LGR4: variants seen among roughly 807,000 people sequenced by gnomAD.
LGR4 encodes the protein leucine rich repeat containing G protein-coupled receptor 4.
Under a neutral mutation model 84.8 loss-of-function variants are expected in LGR4, and 44 were observed. That is an observed-to-expected ratio of 0.52 (90% CI 0.41 to 0.67). LGR4 has a LOEUF of 0.67. Among genes scored for constraint, LGR4 ranks in the 30% least tolerant of loss-of-function variants. LGR4 has a pLI of 0.00. For missense variants in LGR4, 1,032 were observed against 1,131.4 expected (o/e 0.91, Z 1.26); for synonymous variants, 429 against 434.3 (o/e 0.99, Z 0.15).
chr11:27,429,850 T>C (rs1864086360), intron 1 of LGR4, among the ~76,000 whole-genome samples: 1 of 152,100 alleles, frequency 6.6e-6, no homozygotes, highest in Admixed American at 6.5e-5. Context: ...AGAGACTGCC[T>C]GAGGTGGAAT....
At chr11:27,441,412 C>T (rs1035673105) in intron 1 of LGR4, among the ~76,000 whole-genome samples, 1 of 151,426 alleles carries the variant, frequency 6.6e-6, no homozygotes, top group Non-Finnish European at 1.5e-5. Context: ...GTATTTCACA[C>T]ACAAAAAAAG....
At chr11:27,436,227 A>C (rs1340867115) in intron 1 of LGR4, among the ~76,000 whole-genome samples, 1 of 151,356 alleles carries the variant, frequency 6.6e-6, no homozygotes, top group Non-Finnish European at 1.5e-5. Flanking sequence ...AACTTCTTAA[A>C]GTCACCTCGA....
intron 1 of LGR4, among the ~76,000 whole-genome samples, chr11:27,429,242 T>C (rs753987536): frequency 2.6e-5 from 4 of 152,094 alleles, no homozygotes; most frequent in South Asian, 2.1e-4. Context: ...CCCAGCACTT[T>C]GGGAGGCTGA....
chr11:27,457,263 T>C (rs1409836077), intron 1 of LGR4, among the ~76,000 whole-genome samples: 1 of 152,200 alleles, frequency 6.6e-6, no homozygotes, highest in African/African-American at 2.4e-5. Context: ...TCACTAAATA[T>C]CCATTTTTTA....
chr11:27,437,607 G>A (rs780200235), intron 1 of LGR4, among the ~76,000 whole-genome samples: 12 of 150,452 alleles, frequency 8.0e-5, no homozygotes, highest in Non-Finnish European at 1.3e-4. Context: ...AAAGAAGGTG[G>A]TCCTATTTTT....
At chr11:27,389,602 C>G (rs1863244596) in intron 4 of LGR4, among the ~76,000 whole-genome samples, 2 of 152,030 alleles carry the variant, frequency 1.3e-5, no homozygotes, top group Non-Finnish European at 2.9e-5. Context: ...CTTTATTACC[C>G]TTTAAACTAG....
Position 27,368,135 on chromosome 11 carries a change from G to A in LGR4, c.2588C>T (p.Ser863Leu), listed in dbSNP as rs1467453743. 2 of 1,614,122 alleles carry A rather than the reference G, an allele frequency of 1.2e-6. No homozygotes were observed. Among genetic ancestry groups the A allele is most frequent in the East Asian group, 2.2e-5 (1 of 44,876 alleles). ...TGATACTGGCTTTGTTAAAAGAAAC[G>A]ATTCGCAGCAGTCGCAAACAGTCAG... ...GNLTVCDCCE[S>L]FLLTKPVSCK... Residue 863 changes from serine to leucine, a missense_variant, in exon 18 of 18, where the codon TCG becomes TTG. Physicochemically the swap from Ser to Leu is moderately radical, Grantham distance 145 (BLOSUM62 -2). Transcript: ENST00000379214.
chr11:27,404,365 A>G (rs770202438), intron 2 of LGR4, among the ~76,000 whole-genome samples: 2 of 152,176 alleles, frequency 1.3e-5, no homozygotes, highest in African/African-American at 2.4e-5. Context: ...GCTAAGCACT[A>G]TGGGACAAAA....
intron 1 of LGR4, among the ~76,000 whole-genome samples, chr11:27,456,530 T>C (rs1864580033): frequency 6.6e-6 from 1 of 152,204 alleles, no homozygotes. Flanking sequence ...TGCTTTTTAA[T>C]CTACTGCAAA....
intron 1 of LGR4, among the ~76,000 whole-genome samples, chr11:27,426,154 T>C (rs923200325): frequency 6.6e-6 from 1 of 152,168 alleles, no homozygotes; most frequent in Non-Finnish European, 1.5e-5. Context: ...AGGGAAGACA[T>C]ATAAAATATC....
At chr11:27,453,404 A>G (rs556481845) in intron 1 of LGR4, among the ~76,000 whole-genome samples, 41 of 152,306 alleles carry the variant, frequency 2.7e-4, no homozygotes, top group African/African-American at 8.2e-4. Flanking sequence ...CCATTGCTTA[A>G]GATGGATTCA....
rs1288731731 is a variant in LGR4, at chr11:27,372,371, C to G, written c.1407G>C (p.Gln469His). 2 of 1,612,344 alleles carry G rather than the reference C, an allele frequency of 1.2e-6. No individual in the cohort carries two copies. Among genetic ancestry groups the G allele is most frequent in the African/African-American group, 2.7e-5 (2 of 74,838 alleles). The change falls in exon 16 of 18, where the codon CAG becomes CAC. Residue 469 changes from glutamine to histidine, a missense_variant. Coordinates refer to ENST00000379214, the MANE Select transcript of LGR4 (RefSeq NM_018490.5). ...LRSLSVPYAY[Q>H]CCAFWGCDSY... ...AGTCACAACCCCAAAATGCACAGCACTGATAAGCATATGGTACTGATAAAG... is the reference window on the plus strand; with the variant it reads ...AGTCACAACCCCAAAATGCACAGCAGTGATAAGCATATGGTACTGATAAAG...
At position 27,467,291 on chromosome 11, in the gene LGR4, G is replaced by C. The variant is rs534614773; in HGVS notation, c.185+4827C>G. On this transcript the variant is annotated intron_variant, in intron 1 of 17. Transcript: ENST00000379214. ...ATGTATAAAAATCAAAATAAGGCGG[G>C]GCACGATGGCTTGTACCTGTAATCC... Among the ~76,000 whole-genome samples, 71 of 152,056 alleles carry C rather than the reference G, an allele frequency of 4.7e-4. 4 individuals carry two copies. In the South Asian group the frequency reaches 0.015, roughly 31 times the overall value.
intron 1 of LGR4, among the ~76,000 whole-genome samples, chr11:27,417,724 T>G (rs1271161141): frequency 1.3e-5 from 2 of 152,216 alleles, no homozygotes; most frequent in African/African-American, 2.4e-5. Context: ...ACAGCCATAT[T>G]TCATGGATTT....
Position 27,380,639 on chromosome 11 carries a change from C to A in LGR4, c.902+1G>T. 1 of 1,550,850 alleles carries A rather than the reference C, an allele frequency of 6.4e-7. No homozygotes were observed. Among genetic ancestry groups the A allele is most frequent in the South Asian group, 1.1e-5 (1 of 88,018 alleles). On this transcript the variant is annotated splice_donor_variant, in intron 9 of 17. Transcript: ENST00000379214. LOFTEE classifies it high-confidence loss of function. Reference sequence around the variant, plus strand: ...GTTTGTTTTTAAATTCACATACTTACAGGGAATGAAGATCAGATAAATTGT... The same window carrying A: ...GTTTGTTTTTAAATTCACATACTTAAAGGGAATGAAGATCAGATAAATTGT...
chr11:27,412,683 C>G (rs1863733220), intron 2 of LGR4, 106 bp downstream of exon 2: 1 of 766,234 alleles, frequency 1.3e-6, no homozygotes, highest in South Asian at 1.5e-5. Context: ...TGAAATTAAG[C>G]TATCAGAATG....
rs1183404284 is a variant in LGR4 at position 27,385,310 on chromosome 11, T to TTGAGAGCCAGGGTCAGC, written c.543_559dup (p.Asn187SerfsTer2). On this transcript the variant is annotated stop_gained and frameshift_variant, in exon 5 of 18. Coordinates refer to ENST00000379214, the MANE Select transcript of LGR4 (RefSeq NM_018490.5). LOFTEE classifies it high-confidence loss of function. ...AAAGTCAGGGATGCTTGAGATCTTG[T>TTGAGAGCCAGGGTCAGC]TGAGAGCCAGGGTCAGCGCCTGTAG... 1 of 1,606,152 alleles carries TTGAGAGCCAGGGTCAGC rather than the reference T, an allele frequency of 6.2e-7. No homozygotes were observed. Among genetic ancestry groups the TTGAGAGCCAGGGTCAGC allele is most frequent in the Non-Finnish European group, 8.5e-7 (1 of 1,176,166 alleles).
chr11:27,401,925 G>A (rs753337996), intron 2 of LGR4, among the ~76,000 whole-genome samples: 53 of 152,334 alleles, frequency 3.5e-4, no homozygotes, highest in Non-Finnish European at 6.6e-4. Flanking sequence ...ACGCTGCTAA[G>A]TGGTGAGAAG....
intron 1 of LGR4, among the ~76,000 whole-genome samples, chr11:27,427,784 C>T (rs1047500924): frequency 4.6e-5 from 7 of 152,172 alleles, no homozygotes; most frequent in African/African-American, 1.7e-4. Context: ...AGTTACTATT[C>T]AGGAAGTTAC....
Sources: gnomAD v4.1 joint callset for allele counts (sites outside exome capture counted in the v4.1 genomes callset) on GRCh38, gnomAD v4.1.1 for gene constraint, MANE v1.5 for transcripts, NCBI Gene and HGNC (gene_info 2026-07-23, HGNC 2026-07-21) for gene names.